Variants in CIMIP2C observed in about 807,000 individuals in gnomAD.
CIMIP2C encodes ciliary microtubule inner protein 2C, also known as UPF0573 protein C2orf70.
At chr2:26,562,655 G>A in the CIMIP2C span, 2 of 1,585,434 alleles carry the variant, frequency 1.3e-6, no homozygotes, top group Admixed American at 1.8e-5. Context: ...CGAGTTCAAT[G>A]CCGCCTACGT....
the CIMIP2C span, among the ~76,000 whole-genome samples, chr2:26,570,377 G>C: frequency 6.6e-6 from 1 of 152,218 alleles, no homozygotes; most frequent in South Asian, 2.1e-4. Context: ...AGGGCATGGT[G>C]CCCCCAGAGT....
At chr2:26,568,756 G>T in the CIMIP2C span, among the ~76,000 whole-genome samples, 1 of 152,164 alleles carries the variant, frequency 6.6e-6, no homozygotes, top group Non-Finnish European at 1.5e-5. Flanking sequence ...GAGGCCAGGT[G>T]CGGTGGCTCA....
At chr2:26,567,588 A>T in the CIMIP2C span, among the ~76,000 whole-genome samples, 1 of 152,266 alleles carries the variant, frequency 6.6e-6, no homozygotes, top group Non-Finnish European at 1.5e-5. Flanking sequence ...CAGGCTTGGG[A>T]AGGGAGGGTT....
the CIMIP2C span, among the ~76,000 whole-genome samples, chr2:26,569,814 C>T: frequency 6.6e-6 from 1 of 152,076 alleles, no homozygotes; most frequent in African/African-American, 2.4e-5. Flanking sequence ...TGTGGTGGCA[C>T]CAGCCAACAC....
the CIMIP2C span, chr2:26,562,745 C>A: frequency 4.9e-6 from 7 of 1,414,600 alleles, no homozygotes; most frequent in East Asian, 2.5e-5. Flanking sequence ...CCTCGGTGAT[C>A]GAAATTCAGC....
At chr2:26,577,000 G>A in the CIMIP2C span, among the ~76,000 whole-genome samples, 1 of 152,232 alleles carries the variant, frequency 6.6e-6, no homozygotes, top group Non-Finnish European at 1.5e-5. Context: ...CCCCAGGGCA[G>A]AGAACTTGTA....
At chr2:26,565,041 C>A in the CIMIP2C span, among the ~76,000 whole-genome samples, 1 of 151,584 alleles carries the variant, frequency 6.6e-6, no homozygotes, top group East Asian at 1.9e-4. Context: ...TTCTCCTTCT[C>A]CTTCTCCTTC....
the CIMIP2C span, chr2:26,575,881 C>T: frequency 1.9e-6 from 3 of 1,606,634 alleles, no homozygotes; most frequent in Non-Finnish European, 2.6e-6. Flanking sequence ...GTGGCTCCAC[C>T]ACCCCCACCG....
At chr2:26,577,634 T>A in the CIMIP2C span, 1 of 1,607,856 alleles carries the variant, frequency 6.2e-7, no homozygotes, top group African/African-American at 1.3e-5. Context: ...GTCCTGTGAG[T>A]GCCTGCCCTC....
chr2:26,577,762 AGT>A, the CIMIP2C span: 1 of 659,720 alleles, frequency 1.5e-6, no homozygotes, highest in Admixed American at 2.9e-5. Context: ...CAGTGCAGAG[AGT>A]GATGGTTACA....
At chr2:26,568,635 C>G in the CIMIP2C span, among the ~76,000 whole-genome samples, 26 of 152,284 alleles carry the variant, frequency 1.7e-4, no homozygotes, top group African/African-American at 6.3e-4. Flanking sequence ...CAGAGAATGC[C>G]AAGCATGCCA....
At chr2:26,574,329 G>C in the CIMIP2C span, among the ~76,000 whole-genome samples, 1 of 152,240 alleles carries the variant, frequency 6.6e-6, no homozygotes, top group African/African-American at 2.4e-5. Context: ...TATGACCACA[G>C]GCCAGGTACA....
the CIMIP2C span, among the ~76,000 whole-genome samples, chr2:26,572,400 G>A: frequency 3.4e-5 from 5 of 147,916 alleles, no homozygotes; most frequent in East Asian, 2.0e-4. Flanking sequence ...GGATTTTGTC[G>A]CTGAACATGA....
the CIMIP2C span, chr2:26,562,969 G>C: frequency 2.2e-6 from 1 of 464,654 alleles, no homozygotes. Context: ...ATGTAGCCGG[G>C]GAAGGGGGAG....
the CIMIP2C span, among the ~76,000 whole-genome samples, chr2:26,575,093 T>C: frequency 6.6e-6 from 1 of 152,316 alleles, no homozygotes; most frequent in African/African-American, 2.4e-5. Context: ...CTAGAGTGCC[T>C]GTGTCACCAA....
the CIMIP2C span, chr2:26,577,495 T>G: frequency 6.2e-7 from 1 of 1,606,288 alleles, no homozygotes; most frequent in Non-Finnish European, 8.5e-7. Flanking sequence ...ACCTGTCATC[T>G]CTTCCTTGAT....
chr2:26,567,060 G>A, the CIMIP2C span, among the ~76,000 whole-genome samples: 1 of 152,176 alleles, frequency 6.6e-6, no homozygotes, highest in Non-Finnish European at 1.5e-5. Context: ...ATACTGGCTT[G>A]TTTAATAATA....
At chr2:26,575,064 C>G in the CIMIP2C span, among the ~76,000 whole-genome samples, 1 of 152,228 alleles carries the variant, frequency 6.6e-6, no homozygotes, top group Non-Finnish European at 1.5e-5. Flanking sequence ...TGGAGCGAGT[C>G]TCATTTAACC....
chr2:26,572,878 C>T, the CIMIP2C span, among the ~76,000 whole-genome samples: 5 of 152,140 alleles, frequency 3.3e-5, no homozygotes, highest in East Asian at 1.9e-4. Flanking sequence ...CTCCCCTCCA[C>T]GTGGGAGGAG....
Sources: allele counts gnomAD v4.1 joint callset (sites outside exome capture counted in the v4.1 genomes callset), GRCh38; gene constraint gnomAD v4.1.1; transcripts MANE v1.5; gene names NCBI Gene and HGNC (gene_info 2026-07-23, HGNC 2026-07-21).